SERINC5: variants seen among roughly 807,000 people sequenced by gnomAD.
The protein encoded by SERINC5 is serine incorporator 5.
SERINC5 carries 41 observed loss-of-function variants against 63.1 expected under a neutral mutation model. The observed-to-expected ratio is 0.65, with a 90% CI of 0.51 to 0.84. SERINC5 has a LOEUF of 0.84. Among genes scored for constraint, SERINC5 ranks in the 40% least tolerant of loss-of-function variants. SERINC5 has a pLI of 0.00. For synonymous variants in SERINC5, 222 were observed against 215.2 expected (o/e 1.03, Z -0.28); for missense variants, 523 against 573.0 (o/e 0.91, Z 0.89).
In SERINC5 at chr5:80,142,939, T is replaced by G. The variant is rs1246983500; in HGVS notation, c.*724A>C. On this transcript the variant is annotated 3_prime_UTR_variant, in exon 12 of 12. Transcript: ENST00000507668. Reference sequence around the variant, plus strand: ...AGTAACTCGGATCAGGTAGTGATAATAAGGTGGGGAACCACCTGGGGGGTG... The same window carrying G: ...AGTAACTCGGATCAGGTAGTGATAAGAAGGTGGGGAACCACCTGGGGGGTG... 2.0e-6 allele frequency: 2 copies of G among 985,252 alleles called. No individual in the cohort carries two copies. The highest frequency in any genetic ancestry group is 3.5e-5 in the African/African-American group (2 of 57,242). 61.0% of individuals were successfully genotyped at this position (985,252 alleles called of 1,614,324 possible). A position where few individuals can be genotyped will look rare whatever the true frequency, so the allele number is the denominator to read the frequency against.
chr5:80,213,145 C>A (rs1434219096), intron 1 of SERINC5, among the ~76,000 whole-genome samples: 1 of 151,530 alleles, frequency 6.6e-6, no homozygotes, highest in Non-Finnish European at 1.5e-5. Flanking sequence ...ACTCAGGAGG[C>A]TGAGGCAGGA....
intron 9 of SERINC5, among the ~76,000 whole-genome samples, chr5:80,148,856 C>A (rs1381673598): frequency 1.3e-5 from 2 of 152,058 alleles, no homozygotes; most frequent in East Asian, 3.9e-4. Context: ...GTATCAAGGC[C>A]AAGCCCTTGT....
intron 6 of SERINC5, among the ~76,000 whole-genome samples, chr5:80,168,826 G>A (rs1221450205): frequency 6.6e-6 from 1 of 152,202 alleles, no homozygotes; most frequent in Non-Finnish European, 1.5e-5. Context: ...AGTTTACTGA[G>A]GAAGAACCTG....
chr5:80,137,587 G>A (rs906449132), downstream of SERINC5, among the ~76,000 whole-genome samples: 1 of 141,108 alleles, frequency 7.1e-6, no homozygotes, highest in South Asian at 2.2e-4. Flanking sequence ...AGGTTGCAGT[G>A]AGCCGAGATC....
At chr5:80,194,631 G>C (rs991250382) in intron 2 of SERINC5, among the ~76,000 whole-genome samples, 2 of 152,206 alleles carry the variant, frequency 1.3e-5, no homozygotes, top group Non-Finnish European at 2.9e-5. Flanking sequence ...CATCACAACA[G>C]GAAGCAGGCA....
At chr5:80,192,724 C>T (rs1396734676) in intron 2 of SERINC5, among the ~76,000 whole-genome samples, 1 of 152,174 alleles carries the variant, frequency 6.6e-6, no homozygotes, top group Non-Finnish European at 1.5e-5. Flanking sequence ...AATTTTAAAA[C>T]CACACCACCA....
In SERINC5 at chr5:80,143,084, AG is replaced by A; in HGVS notation, c.*578del. On this transcript the variant is annotated 3_prime_UTR_variant, in exon 12 of 12. Transcript: ENST00000507668. Reference sequence around the variant, plus strand: ...GTGATTCCCAGCATCACAACCTCAAAGGGAAACGTTTAGGGGCCGTGAAGAG... The same window carrying A: ...GTGATTCCCAGCATCACAACCTCAAAGGAAACGTTTAGGGGCCGTGAAGAG... 1.0e-6 allele frequency: 1 copy of A among 985,392 alleles called. No individual in the cohort carries two copies. Among genetic ancestry groups the A allele is most frequent in the Non-Finnish European group, 1.2e-6 (1 of 829,936 alleles). 61.0% of individuals were successfully genotyped at this position (985,392 alleles called of 1,614,324 possible).
At chr5:80,160,998 ATATACGTG>A (rs1746864718) in intron 7 of SERINC5, among the ~76,000 whole-genome samples, 3 of 150,198 alleles carry the variant, frequency 2.0e-5, no homozygotes, top group African/African-American at 7.3e-5. Flanking sequence ...ATATGTATAT[ATATACGTG>A]TATATATACG....
At chr5:80,194,718 C>A (rs77520883) in intron 2 of SERINC5, among the ~76,000 whole-genome samples, 3,658 of 152,176 alleles carry the variant, frequency 0.024, 146 homozygotes, top group African/African-American at 0.083. Context: ...TACTTCTTAC[C>A]ACTGGGCCCA....
chr5:80,238,648 T>C (rs1320493061), intron 1 of SERINC5, among the ~76,000 whole-genome samples: 1 of 151,962 alleles, frequency 6.6e-6, no homozygotes, highest in East Asian at 1.9e-4. Flanking sequence ...CTGGGCGTGA[T>C]GGCAGGCACC....
chr5:80,220,255 T>C lies in SERINC5; in HGVS notation c.28-17202A>G, dbSNP rs190272834. Among the ~76,000 whole-genome samples, 295 of 150,882 alleles carry C rather than the reference T, an allele frequency of 2.0e-3. 3 individuals are homozygous for C. The highest frequency in any genetic ancestry group is 6.9e-3 in the African/African-American group (283 of 41,130). On this transcript the variant is annotated intron_variant, in intron 1 of 11. Coordinates refer to ENST00000507668, the MANE Select transcript of SERINC5 (RefSeq NM_001174072.3). ...AAAGAGAGAGAGAGATAGAAACAAG[T>C]AACTTGCTCATATTGGCAGCGGTGT...
chr5:80,155,595 G>GGAGAGA (rs142849822), intron 8 of SERINC5, among the ~76,000 whole-genome samples: 1 of 145,122 alleles, frequency 6.9e-6, no homozygotes, highest in African/African-American at 2.7e-5. Flanking sequence ...GAAGAAAGAA[G>GGAGAGA]GAGAGAGAGA....
chr5:80,191,925 T>A (rs1749215426), intron 2 of SERINC5, among the ~76,000 whole-genome samples: 1 of 152,140 alleles, frequency 6.6e-6, no homozygotes, highest in Admixed American at 6.5e-5. Context: ...GATGGGAGAA[T>A]AACTGCACAT....
chr5:80,147,413 T>C (rs1340941937), intron 9 of SERINC5, 129 bp from the exon 10 acceptor site: 1 of 933,020 alleles, frequency 1.1e-6, no homozygotes, highest in Non-Finnish European at 1.7e-6. Context: ...CTTTCCCAGG[T>C]GTGCTGGGTG....
intron 1 of SERINC5, among the ~76,000 whole-genome samples, chr5:80,247,343 G>A (rs557487501): frequency 2.0e-5 from 3 of 152,198 alleles, no homozygotes; most frequent in Admixed American, 6.5e-5. Flanking sequence ...GTATCTGTGG[G>A]AAATCTACAG....
At chr5:80,185,573 G>T (rs1748742874) in intron 2 of SERINC5, among the ~76,000 whole-genome samples, 1 of 152,136 alleles carries the variant, frequency 6.6e-6, no homozygotes, top group Admixed American at 6.6e-5. Context: ...TAATCACCTG[G>T]GTGCAGGCGG....
rs573930712 is a variant in SERINC5, at chr5:80,176,243, AAT to A, written c.457+1070_457+1071del. Among the ~76,000 whole-genome samples the A allele has an allele frequency of 8.1e-4, 124 of 152,324 alleles. 1 individual carries two copies. The highest frequency in any genetic ancestry group is 7.7e-3 in the Admixed American group (118 of 15,294). On this transcript the variant is annotated intron_variant, in intron 4 of 11. Transcript: ENST00000507668. The stretch of plus-strand genomic sequence containing the variant: ...GGTTTCTAGGTCTCTTCTCCCTCCA[AAT>A]ATACATTCTAATACATAAAAGGATC...
chr5:80,111,542 C>G (rs1744108120), downstream of SERINC5: 1 of 152,196 alleles, frequency 6.6e-6, no homozygotes, highest in South Asian at 2.1e-4. Flanking sequence ...TTCCTGGGAA[C>G]TGCGGACATA....
chr5:80,204,437 AC>A (rs1750048857), intron 1 of SERINC5, among the ~76,000 whole-genome samples: 1 of 152,188 alleles, frequency 6.6e-6, no homozygotes, highest in Non-Finnish European at 1.5e-5. Context: ...CAACGTATTC[AC>A]CCAGGTCTTC....
Sources: gnomAD v4.1 joint callset for allele counts (sites outside exome capture counted in the v4.1 genomes callset) on GRCh38, gnomAD v4.1.1 for gene constraint, MANE v1.5 for transcripts, NCBI Gene and HGNC (gene_info 2026-07-23, HGNC 2026-07-21) for gene names.